ZNF121: variants seen among roughly 807,000 people sequenced by gnomAD.
The protein encoded by ZNF121 is zinc finger protein 121 (clone ZHC32).
Under a neutral mutation model 2.4 loss-of-function variants are expected in ZNF121, and 1 was observed. The observed-to-expected ratio is 0.41, with a 90% CI of 0.15 to 1.94. The LOEUF is 1.94. ZNF121 is among the 30% of genes most tolerant of loss of function. ZNF121 has a pLI of 0.30. For missense variants in ZNF121, 369 were observed against 466.3 expected (o/e 0.79, Z 1.92); for synonymous variants, 173 against 158.6 (o/e 1.09, Z -0.68).
At chr19:9,575,789 A>G (rs191972705) in intron 1 of ZNF121, among the ~76,000 whole-genome samples, 15 of 152,292 alleles carry the variant, frequency 9.8e-5, no homozygotes, top group African/African-American at 3.6e-4. Context: ...AAAGGGGTCA[A>G]TTCAGCAGGA....
intron 1 of ZNF121, among the ~76,000 whole-genome samples, chr19:9,581,860 G>C (rs2074250363): frequency 6.6e-6 from 1 of 152,166 alleles, no homozygotes; most frequent in African/African-American, 2.4e-5. Flanking sequence ...TACTAGTATT[G>C]TGGTTTCAGA....
chr19:9,580,152 C>T (rs1053399429), intron 1 of ZNF121, among the ~76,000 whole-genome samples: 2 of 151,796 alleles, frequency 1.3e-5, no homozygotes, highest in East Asian at 1.9e-4. Context: ...ATTAGCCGGG[C>T]GTGTTGGCGG....
intron 1 of ZNF121, among the ~76,000 whole-genome samples, chr19:9,573,238 A>G (rs1214966148): frequency 6.6e-6 from 1 of 152,196 alleles, no homozygotes; most frequent in African/African-American, 2.4e-5. Context: ...ATTCAAAATA[A>G]CAGTTTTAAG....
In ZNF121 at chr19:9,566,966, G is replaced by A. The variant is rs1173709146; in HGVS notation, c.147C>T (p.Pro49=). Residue 49 remains proline (P), a synonymous_variant, in exon 4 of 4, where the codon CCC becomes CCT. Coordinates refer to ENST00000320451, the MANE Select transcript of ZNF121 (RefSeq NM_001008727.5). ...CAGCAGGGGCACTGTTGTGTAACATGGGAAAGTTTTCTCCATACTCATCAC... is the reference window on the plus strand; with the variant it reads ...CAGCAGGGGCACTGTTGTGTAACATAGGAAAGTTTTCTCCATACTCATCAC... ...YDCDEYGENF[P]MLHNSAPAGE... The A allele has an allele frequency of 1.2e-6, 2 of 1,614,046 alleles. No homozygotes were observed. Among genetic ancestry groups the A allele is most frequent in the East Asian group, 4.5e-5 (2 of 44,890 alleles).
rs187603204 is a variant in ZNF121, at chr19:9,574,446, G to A, written c.-159-5364C>T. On this transcript the variant is annotated intron_variant, in intron 1 of 3. Coordinates refer to ENST00000320451, the MANE Select transcript of ZNF121 (RefSeq NM_001008727.5). The stretch of plus-strand genomic sequence containing the variant: ...TAGGATTACAGGCACAAGCCACCGC[G>A]CCCGGCCCTAGCAAGGCCATTTTTA... Among the ~76,000 whole-genome samples, 298 of 152,152 alleles carry A rather than the reference G, an allele frequency of 2.0e-3. 6 individuals carry two copies. Among genetic ancestry groups the A allele is most frequent in the Admixed American group, 0.019 (283 of 15,274 alleles).
At chr19:9,569,832 C>T (rs1175187978) in intron 1 of ZNF121, among the ~76,000 whole-genome samples, 8 of 143,216 alleles carry the variant, frequency 5.6e-5, no homozygotes, top group African/African-American at 2.2e-4. Context: ...CACGCCTGGC[C>T]GAGATCTTTT....
Position 9,566,493 on chromosome 19 carries a change from C to A in ZNF121, c.620G>T (p.Arg207Ile). 1 of 1,614,008 alleles carries A rather than the reference C, an allele frequency of 6.2e-7. No homozygotes were observed. Among genetic ancestry groups the A allele is most frequent in the Non-Finnish European group, 8.5e-7 (1 of 1,179,966 alleles). ...EKPYQCKECG[R>I]AFAGRSGLTK... ...AAGGCCTGAGCGCCCAGCGAAGGCT[C>A]TTCCACATTCCTTACATTGATAAGG... Residue 207 changes from arginine (R) to isoleucine (I), a missense_variant, in exon 4 of 4, where the codon AGA becomes ATA. Coordinates refer to ENST00000320451, the MANE Select transcript of ZNF121 (RefSeq NM_001008727.5).
intron 1 of ZNF121, among the ~76,000 whole-genome samples, chr19:9,579,962 G>T (rs1391924366): frequency 6.6e-6 from 1 of 152,154 alleles, no homozygotes; most frequent in Non-Finnish European, 1.5e-5. Flanking sequence ...AATAGAGGGT[G>T]GGAGATTCTG....
chr19:9,566,130 A>C lies in ZNF121; in HGVS notation c.983T>G (p.Ile328Ser), dbSNP rs1192971759. The C allele has an allele frequency of 6.2e-7, 1 of 1,613,884 alleles. No individual in the cohort carries two copies. Among genetic ancestry groups the C allele is most frequent in the East Asian group, 2.2e-5 (1 of 44,842 alleles). Residue 328 changes from isoleucine (I) to serine (S), a missense_variant, in exon 4 of 4, where the codon ATT (isoleucine) becomes AGT (serine). By Grantham distance (142) the Ile-to-Ser change is moderately radical. Coordinates refer to ENST00000320451, the MANE Select transcript of ZNF121 (RefSeq NM_001008727.5). ...TCCAGTGTGAGTTCTTATATGTTCA[A>C]TGAGTTGTGAAGATGTAGCAAAGGC... ...GKAFATSSQL[I>S]EHIRTHTGEK...
At chr19:9,583,312 C>G (rs982176823) in intron 1 of ZNF121, among the ~76,000 whole-genome samples, 2 of 151,704 alleles carry the variant, frequency 1.3e-5, no homozygotes, top group African/African-American at 4.8e-5. Context: ...ATAAAGACAA[C>G]AGCTGTGTAT....
Position 9,568,135 on chromosome 19 carries a change from A to T in ZNF121, c.-38T>A, listed in dbSNP as rs1599735613. The T allele has an allele frequency of 1.3e-6, 2 of 1,542,210 alleles. No homozygotes were observed. Among genetic ancestry groups the T allele is most frequent in the East Asian group, 4.5e-5 (2 of 44,150 alleles). Reference sequence around the variant, plus strand: ...TGATGTTTTGTTAAGCCAAAAAAAAATGTTGTTGAGGTGCTGACACTTTGG... The same window carrying T: ...TGATGTTTTGTTAAGCCAAAAAAAATTGTTGTTGAGGTGCTGACACTTTGG... On this transcript the variant is annotated 5_prime_UTR_variant, in exon 3 of 4. Transcript: ENST00000320451.
At chr19:9,570,284 T>C (rs1237448557) in intron 1 of ZNF121, among the ~76,000 whole-genome samples, 9 of 152,080 alleles carry the variant, frequency 5.9e-5, no homozygotes, top group Non-Finnish European at 1.3e-4. Context: ...CTGAAATTGT[T>C]ATAATTAATG....
intron 3 of ZNF121, chr19:9,567,663 G>T: frequency 2.9e-6 from 1 of 349,322 alleles, no homozygotes; most frequent in Non-Finnish European, 5.9e-6. Context: ...AATAGGATCA[G>T]CAGGAGGCCT....
At chr19:9,574,091 G>A (rs185731633) in intron 1 of ZNF121, among the ~76,000 whole-genome samples, 150 of 150,222 alleles carry the variant, frequency 1.0e-3, no homozygotes, top group Admixed American at 2.2e-3. Context: ...TCCCGGTGCC[G>A]TAAAGAAATA....
rs750894477 is a variant in ZNF121 at position 9,566,291 on chromosome 19, G to A, written c.822C>T (p.His274=). The A allele has an allele frequency of 3.7e-6, 6 of 1,613,956 alleles. No individual in the cohort carries two copies. Among genetic ancestry groups the A allele is most frequent in the Non-Finnish European group, 4.2e-6 (5 of 1,179,956 alleles). Reference sequence around the variant, plus strand: ...GTTTTATTCCAGTGTGAATTCTAAAGTGATTCTTAAGGCATGAAGAGCTTC... The same window carrying A: ...GTTTTATTCCAGTGTGAATTCTAAAATGATTCTTAAGGCATGAAGAGCTTC... ...SFRSSSCLKN[H]FRIHTGIKPY... Residue 274 remains histidine, a synonymous_variant, in exon 4 of 4, where the codon CAC becomes CAT. Transcript: ENST00000320451.
At position 9,560,686 on chromosome 19, in the gene ZNF121, T is replaced by G. The variant is rs927313756; in HGVS notation, c.*5254A>C. On this transcript the variant is annotated 3_prime_UTR_variant, in exon 4 of 4. Transcript: ENST00000320451. The stretch of plus-strand genomic sequence containing the variant: ...TAAGGCTAAATGATATTGCATTGTA[T>G]GTATATAATGCATTTTGTTTACCAA... 1 of 152,262 alleles carries G rather than the reference T, an allele frequency of 6.6e-6. No individual in the cohort carries two copies. The highest frequency in any genetic ancestry group is 1.5e-5 in the Non-Finnish European group (1 of 68,050). 9.4% of individuals were successfully genotyped at this position (152,262 alleles called of 1,614,324 possible).
At chr19:9,574,027 CTT>C (rs60923401) in intron 1 of ZNF121, among the ~76,000 whole-genome samples, 29 of 139,870 alleles carry the variant, frequency 2.1e-4, no homozygotes, top group Non-Finnish European at 1.6e-4. Flanking sequence ...TTCTTTCTTT[CTT>C]TTTTTTTTTT....
In ZNF121 at chr19:9,568,189, GA is replaced by G; in HGVS notation, c.-78-15del. 1 of 1,246,112 alleles carries G rather than the reference GA, an allele frequency of 8.0e-7. No individual in the cohort carries two copies. Among genetic ancestry groups the G allele is most frequent in the Non-Finnish European group, 1.1e-6 (1 of 918,352 alleles). The allele number at this position is 1,246,112 out of a possible 1,614,324, so 77.2% of individuals were successfully genotyped here. ...TAACTTGCCATTCTGAAGTAAAACAGAAAAAAAGAAAAAAAAATAGGGTCTG... is the reference window on the plus strand; with the variant it reads ...TAACTTGCCATTCTGAAGTAAAACAGAAAAAAGAAAAAAAAATAGGGTCTG... On this transcript the variant is annotated splice_polypyrimidine_tract_variant and intron_variant, in intron 2 of 3. Coordinates refer to ENST00000320451, the MANE Select transcript of ZNF121 (RefSeq NM_001008727.5).
intron 1 of ZNF121, among the ~76,000 whole-genome samples, chr19:9,577,551 T>C (rs1008798487): frequency 6.6e-6 from 1 of 150,926 alleles, no homozygotes; most frequent in Non-Finnish European, 1.5e-5. Context: ...CTGTAGAGGA[T>C]ACAGAAAAAA....
Sources: gnomAD v4.1 joint callset for allele counts (sites outside exome capture counted in the v4.1 genomes callset) on GRCh38, gnomAD v4.1.1 for gene constraint, MANE v1.5 for transcripts, NCBI Gene and HGNC (gene_info 2026-07-23, HGNC 2026-07-21) for gene names.